The following MIB1 variants were observed in gnomAD, a reference collection of about 807,000 sequenced individuals.
MIB1 encodes MIB E3 ubiquitin protein ligase 1.
MIB1 carries 278 observed loss-of-function variants against 124.5 expected under a neutral mutation model. The observed-to-expected ratio is 2.23, with a 90% CI of 2.02 to 2.47. The LOEUF is 2.47. MIB1 is among the 30% of genes most tolerant of loss of function. The pLI, the probability that MIB1 is intolerant of heterozygous loss-of-function variation, is 0.00. For missense variants in MIB1, 957 were observed against 1,254.4 expected, an observed-to-expected ratio of 0.76 and a Z score of 3.58; for synonymous variants, 446 against 429.4, an observed-to-expected ratio of 1.04 and a Z score of -0.48.
chr18:21,867,972 A>G lies in MIB1; in HGVS notation c.*3306A>G, dbSNP rs997300389. 100 of 152,242 alleles carry G rather than the reference A, an allele frequency of 6.6e-4. No individual in the cohort carries two copies. The highest frequency in any genetic ancestry group is 2.0e-3 in the African/African-American group (82 of 41,590). 9.4% of individuals were successfully genotyped at this position (152,242 alleles called of 1,614,324 possible). A position where few individuals can be genotyped will look rare whatever the true frequency, so the allele number is the denominator to read the frequency against. ...TGAGTGTAGAGAAAAAAAGAGGATC[A>G]TACAGATGTCATCAAATTATAGGCT... On this transcript the variant is annotated 3_prime_UTR_variant, in exon 21 of 21. Coordinates refer to ENST00000261537, the MANE Select transcript of MIB1 (RefSeq NM_020774.4).
intron 1 of MIB1, among the ~76,000 whole-genome samples, chr18:21,717,033 G>A (rs1250653341): frequency 6.6e-6 from 1 of 152,144 alleles, no homozygotes; most frequent in East Asian, 1.9e-4. Context: ...TCACCAAACA[G>A]CATGGTACTG....
intron 10 of MIB1, among the ~76,000 whole-genome samples, chr18:21,807,171 C>A (rs1005027548): frequency 6.6e-6 from 1 of 152,214 alleles, no homozygotes; most frequent in African/African-American, 2.4e-5. Flanking sequence ...TGATTCACAT[C>A]TGTAATCCAA....
At position 21,754,668 on chromosome 18, in the gene MIB1, G is replaced by C. The variant is rs145046318; in HGVS notation, c.230-11104G>C. Among the ~76,000 whole-genome samples the C allele has an allele frequency of 4.1e-4, 62 of 152,320 alleles. No individual in the cohort carries two copies. In the Middle Eastern group the frequency reaches 0.01, roughly 25 times the overall value. On this transcript the variant is annotated intron_variant, in intron 1 of 20. Coordinates refer to ENST00000261537, the MANE Select transcript of MIB1 (RefSeq NM_020774.4). The stretch of plus-strand genomic sequence containing the variant: ...GGGAAAGAGGAAAAAATCCTATGCT[G>C]AGGATTCTGAGATCTACAGTAATGA...
chr18:21,816,020 T>C (rs752629352), intron 11 of MIB1, among the ~76,000 whole-genome samples: 1 of 152,196 alleles, frequency 6.6e-6, no homozygotes, highest in South Asian at 2.1e-4. Flanking sequence ...GATTGGGTTT[T>C]GATTGGGCAG....
At chr18:21,854,005 TCA>T (rs1335152076) in intron 18 of MIB1, among the ~76,000 whole-genome samples, 3 of 71,944 alleles carry the variant, frequency 4.2e-5, no homozygotes, top group South Asian at 1.2e-3. Context: ...AGACTGAGAC[TCA>T]GTCTTAAAAA....
chr18:21,863,139 G>A (rs1363086821), intron 20 of MIB1, among the ~76,000 whole-genome samples: 2 of 152,164 alleles, frequency 1.3e-5, no homozygotes, highest in Admixed American at 1.3e-4. Context: ...GCACATGAAC[G>A]AGCAATTGCA....
intron 4 of MIB1, among the ~76,000 whole-genome samples, chr18:21,776,814 TA>T (rs2041293847): frequency 6.6e-6 from 1 of 151,926 alleles, no homozygotes; most frequent in Non-Finnish European, 1.5e-5. Flanking sequence ...TGAAACCTCG[TA>T]AAAATACAAA....
At chr18:21,724,021 A>C (rs2146359876) in intron 1 of MIB1, 1 of 152,226 alleles carries the variant, frequency 6.6e-6, no homozygotes, top group East Asian at 1.9e-4. Context: ...TAACTCTTTT[A>C]TGTGAACTCC....
intron 1 of MIB1, among the ~76,000 whole-genome samples, chr18:21,706,261 A>G (rs1350583949): frequency 6.6e-6 from 1 of 152,094 alleles, no homozygotes; most frequent in Admixed American, 6.5e-5. Flanking sequence ...TTGTATTTTC[A>G]GTAGAGACAG....
intron 1 of MIB1, among the ~76,000 whole-genome samples, chr18:21,753,107 G>T (rs1420455807): frequency 6.6e-6 from 1 of 152,072 alleles, no homozygotes; most frequent in African/African-American, 2.4e-5. Flanking sequence ...AAAAATATAT[G>T]TAGAAAAAGG....
At chr18:21,764,449 C>A (rs2041132791) in intron 1 of MIB1, among the ~76,000 whole-genome samples, 1 of 151,996 alleles carries the variant, frequency 6.6e-6, no homozygotes, top group Non-Finnish European at 1.5e-5. Flanking sequence ...GTAATATGAC[C>A]ACTTTTGTAC....
intron 12 of MIB1, among the ~76,000 whole-genome samples, chr18:21,823,913 C>T (rs1288808005): frequency 6.6e-6 from 1 of 152,108 alleles, no homozygotes; most frequent in Admixed American, 6.5e-5. Context: ...GAAATTATTT[C>T]TGCTGATAAA....
At chr18:21,719,200 A>T (rs1170031418) in intron 1 of MIB1, among the ~76,000 whole-genome samples, 2 of 151,842 alleles carry the variant, frequency 1.3e-5, no homozygotes, top group African/African-American at 4.8e-5. Flanking sequence ...AAAAAAAAAA[A>T]AAAATTTAGC....
chr18:21,864,647 G>A lies in MIB1; in HGVS notation c.3002G>A (p.Arg1001Gln). 3 of 1,613,372 alleles carry A rather than the reference G, an allele frequency of 1.9e-6. No individual in the cohort carries two copies. The highest frequency in any genetic ancestry group is 2.7e-5 in the African/African-American group (2 of 75,028). Reference protein sequence around the residue: ...ECPICRKAIERRILLY With the variant: ...ECPICRKAIEQRILLY ...CCTATCTGTCGCAAGGCTATTGAAC[G>A]AAGGATTCTTTTGTATTAACTAAGA... Residue 1001 changes from arginine to glutamine, a missense_variant, in exon 21 of 21, where the codon CGA (arginine) becomes CAA (glutamine). Physicochemically the swap from Arg to Gln is conservative, Grantham distance 43 (BLOSUM62 1). Transcript: ENST00000261537.
At chr18:21,860,855 CAAG>C (rs2042270397) in intron 20 of MIB1, among the ~76,000 whole-genome samples, 1 of 152,220 alleles carries the variant, frequency 6.6e-6, no homozygotes, top group East Asian at 1.9e-4. Flanking sequence ...AGCAACGTAA[CAAG>C]ACCCTGTCTC....
chr18:21,849,217 T>A lies in MIB1; in HGVS notation c.2415T>A (p.Ser805Arg), dbSNP rs762736493. 4 of 1,568,824 alleles carry A rather than the reference T, an allele frequency of 2.5e-6. No individual in the cohort carries two copies. In the South Asian group the frequency reaches 4.8e-5, roughly 19 times the overall value. Residue 805 changes from serine (S) to arginine (R), a missense_variant, in exon 17 of 21, where the codon AGT becomes AGA. Transcript: ENST00000261537. Reference sequence around the variant, plus strand: ...TTAGTGGTCAAGTGGGTTCTCGGAGTCCTTCTATGATTAGTAATGATTCTG... The same window carrying A: ...TTAGTGGTCAAGTGGGTTCTCGGAGACCTTCTATGATTAGTAATGATTCTG... ...EKVSGQVGSR[S>R]PSMISNDSET...
At chr18:21,732,351 TACACACACACACACACACACACACACAC>T (rs59731612) in intron 1 of MIB1, among the ~76,000 whole-genome samples, 2 of 140,970 alleles carry the variant, frequency 1.4e-5, no homozygotes, top group African/African-American at 5.2e-5. Flanking sequence ...ATTATATGTA[TACACACACACACACACACACACACACAC>T]ACACACACAC....
rs113972700 is a variant in MIB1, at chr18:21,849,301, A to G, written c.2499A>G (p.Pro833=). ...SDMKRDTLFG[P]CGHIATCSLC... Reference sequence around the variant, plus strand: ...TGAAGAGAGATACTCTTTTTGGTCCATGTGGACATATTGCTACCTGTTCTT... The same window carrying G: ...TGAAGAGAGATACTCTTTTTGGTCCGTGTGGACATATTGCTACCTGTTCTT... The change falls in exon 17 of 21, where the codon CCA becomes CCG. Residue 833 remains proline (P), a synonymous_variant. Coordinates refer to ENST00000261537, the MANE Select transcript of MIB1 (RefSeq NM_020774.4). 1.8e-5 allele frequency: 29 copies of G among 1,613,156 alleles called. No individual in the cohort carries two copies. Among genetic ancestry groups the G allele is most frequent in the Admixed American group, 5.0e-5 (3 of 59,970 alleles).
At chr18:21,779,424 C>T in intron 5 of MIB1, 57 bp from the exon 6 acceptor site, 1 of 1,333,458 alleles carries the variant, frequency 7.5e-7, no homozygotes. Flanking sequence ...GATAATGCAG[C>T]TGCCTGTTGT....
Sources: gnomAD v4.1 joint callset for allele counts (sites outside exome capture counted in the v4.1 genomes callset) on GRCh38, gnomAD v4.1.1 for gene constraint, MANE v1.5 for transcripts, NCBI Gene and HGNC (gene_info 2026-07-23, HGNC 2026-07-21) for gene names.